CPPED1: variants seen among roughly 807,000 people sequenced by gnomAD.
CPPED1 encodes serine/threonine-protein phosphatase CPPED1.
CPPED1 carries 28 observed loss-of-function variants against 28.0 expected under a neutral mutation model. The observed-to-expected ratio is 1.00, with a 90% CI of 0.74 to 1.37. The LOEUF is 1.37. Ranked by LOEUF, CPPED1 falls within the 40% of genes most tolerant of loss-of-function variation. CPPED1 has a pLI of 0.00. For synonymous variants in CPPED1, 198 were observed against 180.2 expected (o/e 1.10, Z -0.79); for missense variants, 504 against 416.5 (o/e 1.21, Z -1.83).
Position 12,664,688 on chromosome 16 carries a change from C to A in CPPED1, c.*198G>T, listed in dbSNP as rs2079814936. ...AACTGATTTCCAGGATCATTCGCTC[C>A]ATTTTAAAGGAAATGCAGTTCTATT... is the stretch of plus-strand genomic sequence containing the variant. On this transcript the variant is annotated 3_prime_UTR_variant, in exon 4 of 4. Transcript: ENST00000381774. The surrounding 1 kb of genome is among the most constrained non-coding windows in gnomAD (Gnocchi z 4.2). The A allele has an allele frequency of 7.1e-7, 1 of 1,417,774 alleles. No individual in the cohort carries two copies. Among genetic ancestry groups the A allele is most frequent in the Middle Eastern group, 1.9e-4 (1 of 5,344 alleles). The allele number at this position is 1,417,774 out of a possible 1,614,324, so 87.8% of individuals were successfully genotyped here.
intron 2 of CPPED1, among the ~76,000 whole-genome samples, chr16:12,768,082 T>C (rs1383941556): frequency 6.6e-6 from 1 of 152,228 alleles, no homozygotes; most frequent in African/African-American, 2.4e-5. Flanking sequence ...TCCTCTTAGA[T>C]ACGGATAAGA....
chr16:12,783,063 C>T (rs2080541785), intron 1 of CPPED1, among the ~76,000 whole-genome samples: 1 of 152,058 alleles, frequency 6.6e-6, no homozygotes, highest in Admixed American at 6.6e-5. Flanking sequence ...GAGGTGCTGG[C>T]AATATGAGGG....
chr16:12,736,316 G>A (rs562091145), intron 2 of CPPED1, among the ~76,000 whole-genome samples: 52 of 151,524 alleles, frequency 3.4e-4, no homozygotes, highest in African/African-American at 1.2e-3. Context: ...CATGATCTTG[G>A]CTCACTGCAA....
At chr16:12,783,458 C>T (rs530636390) in intron 1 of CPPED1, among the ~76,000 whole-genome samples, 80 of 152,142 alleles carry the variant, frequency 5.3e-4, no homozygotes, top group African/African-American at 1.9e-3. Context: ...GAAATCATGC[C>T]ACTGCACTCC....
At position 12,715,981 on chromosome 16, in the gene CPPED1, G is replaced by A. The variant is rs181095881; in HGVS notation, c.290-10932C>T. On this transcript the variant is annotated intron_variant, in intron 2 of 3. Coordinates refer to ENST00000381774, the MANE Select transcript of CPPED1 (RefSeq NM_018340.3). Reference sequence around the variant, plus strand: ...CTGGACACCCCTGGTTTAGAGGGAAGAGAGTAGAGGGAGAAGGGTTGGCAA... The same window carrying A: ...CTGGACACCCCTGGTTTAGAGGGAAAAGAGTAGAGGGAGAAGGGTTGGCAA... Among the ~76,000 whole-genome samples, 52 of 152,356 alleles carry A rather than the reference G, an allele frequency of 3.4e-4. 1 individual carries two copies. Among genetic ancestry groups the A allele is most frequent in the Middle Eastern group, 3.4e-3 (1 of 294 alleles).
intron 2 of CPPED1, chr16:12,745,966 T>C (rs992079478): frequency 2.0e-5 from 3 of 151,936 alleles, no homozygotes; most frequent in African/African-American, 7.3e-5. Flanking sequence ...AAACACATTA[T>C]ACAGAGGAAA....
intron 2 of CPPED1, among the ~76,000 whole-genome samples, chr16:12,725,528 G>A (rs993529113): frequency 2.0e-5 from 3 of 152,046 alleles, no homozygotes; most frequent in African/African-American, 4.8e-5. Context: ...AACCATTTAC[G>A]GATGAGAAAA....
Position 12,681,367 on chromosome 16 carries a change from C to G in CPPED1, c.716-16252G>C, listed in dbSNP as rs186128673. Among the ~76,000 whole-genome samples, 206 of 152,154 alleles carry G rather than the reference C, an allele frequency of 1.4e-3. 2 individuals are homozygous for G. The highest frequency in any genetic ancestry group is 4.7e-3 in the African/African-American group (195 of 41,486). ...TCCTCCTCACTCTTGCCAGGGATGCCCCAACAAGAAGGCCCTCACCAGATA... is the reference window on the plus strand; with the variant it reads ...TCCTCCTCACTCTTGCCAGGGATGCGCCAACAAGAAGGCCCTCACCAGATA... On this transcript the variant is annotated intron_variant, in intron 3 of 3. Coordinates refer to ENST00000381774, the MANE Select transcript of CPPED1 (RefSeq NM_018340.3).
At chr16:12,692,403 G>A (rs909672644) in intron 3 of CPPED1, among the ~76,000 whole-genome samples, 1 of 152,220 alleles carries the variant, frequency 6.6e-6, no homozygotes, top group South Asian at 2.1e-4. Flanking sequence ...TCCTTTTCAC[G>A]TCCAGTCATT....
chr16:12,726,672 G>C (rs1315307287), intron 2 of CPPED1, among the ~76,000 whole-genome samples: 1 of 152,098 alleles, frequency 6.6e-6, no homozygotes, highest in East Asian at 2.0e-4. Context: ...AGCCAGGTGT[G>C]GTGGGGCATG....
chr16:12,716,617 T>G (rs529422537), intron 2 of CPPED1, among the ~76,000 whole-genome samples: 1 of 152,242 alleles, frequency 6.6e-6, no homozygotes, highest in Non-Finnish European at 1.5e-5. Flanking sequence ...ATACGCAACC[T>G]AATGAAAAGT....
chr16:12,760,630 C>T (rs1047002443), intron 2 of CPPED1: 2 of 152,124 alleles, frequency 1.3e-5, no homozygotes, highest in African/African-American at 2.4e-5. Context: ...ACAACTGTCT[C>T]CTGTTCAGAA....
intron 2 of CPPED1, among the ~76,000 whole-genome samples, chr16:12,737,222 C>T (rs2080231496): frequency 6.6e-6 from 1 of 151,864 alleles, no homozygotes; most frequent in African/African-American, 2.4e-5. Flanking sequence ...TAAAAAAAAT[C>T]AGAGATCATT....
rs2080510370 is a variant in CPPED1 at position 12,778,335 on chromosome 16, G to A, written c.289+2850C>T. On this transcript the variant is annotated intron_variant, in intron 2 of 3. Coordinates refer to ENST00000381774, the MANE Select transcript of CPPED1 (RefSeq NM_018340.3). ...TCTGCTGCCCAGGCTGGAGTGCTGT[G>A]GTGCAATCTTGCTCATTGCAACCTC... is the stretch of plus-strand genomic sequence containing the variant. 3.5e-5 allele frequency among the ~76,000 whole-genome samples: 5 copies of A among 141,248 alleles called. No homozygotes were observed. In the South Asian group the frequency reaches 8.8e-4, roughly 25 times the overall value. The allele number at this position is 141,248 out of a possible 152,430, so 92.7% of individuals were successfully genotyped here.
chr16:12,790,740 C>A (rs907791699), intron 1 of CPPED1, among the ~76,000 whole-genome samples: 5 of 151,680 alleles, frequency 3.3e-5, no homozygotes, highest in African/African-American at 4.8e-5. Context: ...ACCATCCTGG[C>A]CAACATGGTG....
At chr16:12,773,618 G>A (rs529445768) in intron 2 of CPPED1, among the ~76,000 whole-genome samples, 1 of 152,200 alleles carries the variant, frequency 6.6e-6, no homozygotes, top group Non-Finnish European at 1.5e-5. Context: ...AGCTGCTCGA[G>A]GCTGAGGCAT....
intron 2 of CPPED1, among the ~76,000 whole-genome samples, chr16:12,780,128 G>A (rs979324352): frequency 4.6e-5 from 7 of 152,152 alleles, no homozygotes; most frequent in Non-Finnish European, 1.0e-4. Flanking sequence ...TCTGGTGGAA[G>A]GGGGCCATGT....
intron 2 of CPPED1, chr16:12,760,467 C>T (rs9940268): frequency 0.09 from 13,671 of 152,134 alleles, 2,110 homozygotes; most frequent in African/African-American, 0.31. Context: ...TACTGGAATC[C>T]GGGGACTGCT....
chr16:12,686,413 C>CCTA, intron 3 of CPPED1, among the ~76,000 whole-genome samples: 1 of 152,098 alleles, frequency 6.6e-6, no homozygotes, highest in Admixed American at 6.6e-5. Context: ...TTTGGAAACT[C>CCTA]CTACAAAATA....
Sources: allele counts gnomAD v4.1 joint callset (sites outside exome capture counted in the v4.1 genomes callset), GRCh38; gene constraint gnomAD v4.1.1; non-coding constraint Gnocchi (gnomAD v3.1); transcripts MANE v1.5; gene names NCBI Gene and HGNC (gene_info 2026-07-23, HGNC 2026-07-21).